Variants in DCLK1 observed in about 807,000 individuals in gnomAD.
The protein encoded by DCLK1 is doublecortin like kinase 1.
DCLK1 carries 16 observed loss-of-function variants against 86.2 expected under a neutral mutation model. The observed-to-expected ratio is 0.19, with a 90% CI of 0.13 to 0.28. The LOEUF (loss-of-function observed/expected upper bound fraction) is 0.28, where lower values mean the gene tolerates loss of function less well. Among genes scored for constraint, DCLK1 ranks in the 10% least tolerant of loss-of-function variants. The pLI, the probability that DCLK1 is intolerant of heterozygous loss-of-function variation, is 1.00. For missense variants in DCLK1, 590 were observed against 940.2 expected (o/e 0.63, Z 4.87); for synonymous variants, 369 against 370.5 (o/e 1.00, Z 0.05).
chr13:35,962,481 A>G (rs1000084556), intron 3 of DCLK1, among the ~76,000 whole-genome samples: 2 of 152,128 alleles, frequency 1.3e-5, no homozygotes, highest in African/African-American at 4.8e-5. Context: ...TTCAGAAGAA[A>G]CCAACCCTGC....
chr13:35,958,382 CACT>C (rs1289889209), intron 3 of DCLK1, among the ~76,000 whole-genome samples: 3 of 124,802 alleles, frequency 2.4e-5, no homozygotes, highest in African/African-American at 8.2e-5. Flanking sequence ...CTATAACCAC[CACT>C]ACCACCAGCA....
chr13:36,089,212 C>T (rs773766179), intron 3 of DCLK1, among the ~76,000 whole-genome samples: 1 of 152,100 alleles, frequency 6.6e-6, no homozygotes, highest in South Asian at 2.1e-4. Context: ...TCGAATCATT[C>T]TTCCTCTGTA....
In DCLK1 at chr13:35,823,699, G is replaced by C. The variant is rs897512118; in HGVS notation, c.1408-824C>G. 2.0e-5 allele frequency among the ~76,000 whole-genome samples: 3 copies of C among 152,270 alleles called. 1 individual carries two copies. The South Asian group carries it at 6.2e-4, about 32-fold the overall frequency. Reference sequence around the variant, plus strand: ...TTGGGGTCTGATTTACTATCAATATGTGCATCATGCTTGCCTACAGTGTAC... The same window carrying C: ...TTGGGGTCTGATTTACTATCAATATCTGCATCATGCTTGCCTACAGTGTAC... On this transcript the variant is annotated intron_variant, in intron 10 of 16. Coordinates refer to ENST00000360631, the MANE Select transcript of DCLK1 (RefSeq NM_001330071.2).
At chr13:35,820,226 C>T (rs1466977843) in intron 11 of DCLK1, among the ~76,000 whole-genome samples, 1 of 151,952 alleles carries the variant, frequency 6.6e-6, no homozygotes, top group African/African-American at 2.4e-5. Flanking sequence ...TAGACTTATC[C>T]CTGCAAAATT....
chr13:36,050,129 A>G (rs1883072098), intron 3 of DCLK1, among the ~76,000 whole-genome samples: 1 of 152,214 alleles, frequency 6.6e-6, no homozygotes, highest in South Asian at 2.1e-4. Context: ...TGTTTAAAGC[A>G]CTGTTAAACT....
chr13:36,049,165 T>C (rs1883038917), intron 3 of DCLK1, among the ~76,000 whole-genome samples: 1 of 152,186 alleles, frequency 6.6e-6, no homozygotes, highest in African/African-American at 2.4e-5. Context: ...AAGGAAGCCT[T>C]TGTTTTCTGG....
chr13:36,007,068 T>C (rs894674889), intron 3 of DCLK1, among the ~76,000 whole-genome samples: 1 of 152,164 alleles, frequency 6.6e-6, no homozygotes, highest in South Asian at 2.1e-4. Flanking sequence ...TAAATGTGCA[T>C]GCGAGGAGAG....
chr13:36,060,349 C>T (rs1883495337), intron 3 of DCLK1, among the ~76,000 whole-genome samples: 1 of 152,078 alleles, frequency 6.6e-6, no homozygotes, highest in East Asian at 1.9e-4. Context: ...AGCTGATTGT[C>T]TGTCTTTCAA....
intron 3 of DCLK1, among the ~76,000 whole-genome samples, chr13:36,081,415 TCA>T (rs1205845534): frequency 2.0e-5 from 3 of 151,812 alleles, no homozygotes; most frequent in Non-Finnish European, 2.9e-5. Context: ...AAATTCAAAG[TCA>T]CATATATAAA....
At chr13:35,786,716 G>C (rs752332556) in intron 16 of DCLK1, among the ~76,000 whole-genome samples, 1 of 152,044 alleles carries the variant, frequency 6.6e-6, no homozygotes, top group Non-Finnish European at 1.5e-5. Context: ...AAAAAAGAAG[G>C]GTCTGCACAA....
In DCLK1 at chr13:35,770,370, A is replaced by T. The variant is rs1342462934; in HGVS notation, c.*4165T>A. On this transcript the variant is annotated 3_prime_UTR_variant, in exon 17 of 17. Coordinates refer to ENST00000360631, the MANE Select transcript of DCLK1 (RefSeq NM_001330071.2). ...TCTTTTCATATCTGAATTGTCAAAA[A>T]ATGTTAATTTTGGAAGTGCTTTTAA... The T allele has an allele frequency of 6.6e-6, 1 of 152,208 alleles. No homozygotes were observed. Among genetic ancestry groups the T allele is most frequent in the Non-Finnish European group, 1.5e-5 (1 of 68,038 alleles). 9.4% of individuals were successfully genotyped at this position (152,208 alleles called of 1,614,324 possible).
chr13:35,942,476 C>T (rs760739971), intron 4 of DCLK1, among the ~76,000 whole-genome samples: 8 of 152,328 alleles, frequency 5.3e-5, no homozygotes, highest in Non-Finnish European at 8.8e-5. Context: ...AGCCACTGCG[C>T]CTGGCCTCAA....
At chr13:35,959,854 C>CGTGTGTGTGTGT (rs67600362) in intron 3 of DCLK1, among the ~76,000 whole-genome samples, 28 of 149,408 alleles carry the variant, frequency 1.9e-4, no homozygotes, top group African/African-American at 6.7e-4. Flanking sequence ...TACAGCAAGT[C>CGTGTGTGTGTGT]GTGTGTGTGT....
Position 35,966,738 on chromosome 13 carries a change from G to A in DCLK1, c.724-19281C>T, listed in dbSNP as rs557369898. Among the ~76,000 whole-genome samples the A allele has an allele frequency of 2.8e-3, 420 of 152,194 alleles. 3 individuals carry two copies. The highest frequency in any genetic ancestry group is 9.6e-3 in the African/African-American group (397 of 41,552). On this transcript the variant is annotated intron_variant, in intron 3 of 16. Coordinates refer to ENST00000360631, the MANE Select transcript of DCLK1 (RefSeq NM_001330071.2). Reference sequence around the variant, plus strand: ...CCGGGCTGGTCTCCAGCTCCTGACCGCGAGTGATCTGCCAGCCTCGGCCTC... The same window carrying A: ...CCGGGCTGGTCTCCAGCTCCTGACCACGAGTGATCTGCCAGCCTCGGCCTC...
rs919658876 is a variant in DCLK1, at chr13:36,108,215, C to T, written c.723+3654G>A. 7.9e-5 allele frequency among the ~76,000 whole-genome samples: 12 copies of T among 152,236 alleles called. No individual in the cohort carries two copies. In the South Asian group the frequency reaches 2.5e-3, roughly 32 times the overall value. ...AGGAAGAGGAGGAAGGTCGGGGCAACCATTTGCTGAAGCTTCAGTGCCCCT... is the reference window on the plus strand; with the variant it reads ...AGGAAGAGGAGGAAGGTCGGGGCAATCATTTGCTGAAGCTTCAGTGCCCCT... On this transcript the variant is annotated intron_variant, in intron 3 of 16. Transcript: ENST00000360631.
chr13:35,938,432 A>G (rs905513620), intron 4 of DCLK1, among the ~76,000 whole-genome samples: 2 of 152,188 alleles, frequency 1.3e-5, no homozygotes, highest in African/African-American at 4.8e-5. Context: ...GATGGAGACC[A>G]TCCTGGCTAA....
chr13:35,829,825 G>A (rs1277016495), intron 8 of DCLK1, among the ~76,000 whole-genome samples: 6 of 152,112 alleles, frequency 3.9e-5, no homozygotes, highest in East Asian at 1.9e-4. Context: ...GCAGATATGC[G>A]GCTGTCCAGA....
At chr13:35,778,120 G>A (rs2086458232) in intron 16 of DCLK1, among the ~76,000 whole-genome samples, 1 of 152,142 alleles carries the variant, frequency 6.6e-6, no homozygotes, top group South Asian at 2.1e-4. Context: ...AAAACTTTGT[G>A]GCTTTTGAGA....
chr13:36,084,711 T>C (rs1884534915), intron 3 of DCLK1, among the ~76,000 whole-genome samples: 3 of 152,198 alleles, frequency 2.0e-5, no homozygotes, highest in African/African-American at 7.2e-5. Flanking sequence ...GGGATCCGTA[T>C]GTCACATTAA....
Sources: allele counts gnomAD v4.1 joint callset (sites outside exome capture counted in the v4.1 genomes callset), GRCh38; gene constraint gnomAD v4.1.1; transcripts MANE v1.5; gene names NCBI Gene and HGNC (gene_info 2026-07-23, HGNC 2026-07-21).